CACNA1I: variants seen among roughly 807,000 people sequenced by gnomAD.
CACNA1I encodes the protein calcium voltage-gated channel subunit alpha1 I.
CACNA1I carries 74 observed loss-of-function variants against 201.6 expected under a neutral mutation model. That is an observed-to-expected ratio of 0.37 (90% confidence interval 0.30 to 0.45). The LOEUF (loss-of-function observed/expected upper bound fraction) is 0.45. Ranked by LOEUF, CACNA1I falls within the 20% of genes least tolerant of loss-of-function variation. The pLI, the probability that CACNA1I is intolerant of heterozygous loss-of-function variation, is 1.00. For synonymous variants in CACNA1I, 1,431 were observed against 1,345.2 expected (o/e 1.06, Z -1.40); for missense variants, 2,346 against 3,138.1 (o/e 0.75, Z 6.03).
intron 1 of CACNA1I, among the ~76,000 whole-genome samples, chr22:39,597,308 C>T (rs933081550): frequency 4.6e-5 from 7 of 152,126 alleles, no homozygotes; most frequent in African/African-American, 9.7e-5. Flanking sequence ...TAGACAGTGG[C>T]GGGACTGGAC....
chr22:39,653,731 T>C (rs1245072199), intron 10 of CACNA1I, among the ~76,000 whole-genome samples: 5 of 152,178 alleles, frequency 3.3e-5, no homozygotes, highest in African/African-American at 1.2e-4. Context: ...AATGACAGGT[T>C]AGATTGCAGT....
chr22:39,664,472 C>A (rs1410397500), intron 20 of CACNA1I, among the ~76,000 whole-genome samples: 1 of 152,140 alleles, frequency 6.6e-6, no homozygotes, highest in Admixed American at 6.5e-5. Flanking sequence ...CCAGGGCGGG[C>A]AGTTTTCAAT....
intron 4 of CACNA1I, among the ~76,000 whole-genome samples, chr22:39,632,280 C>T (rs1046474891): frequency 4.6e-5 from 7 of 152,250 alleles, no homozygotes; most frequent in South Asian, 2.1e-4. Flanking sequence ...GTCCTGGCCT[C>T]GGGGCTCGCC....
chr22:39,610,813 G>A (rs956870788), intron 3 of CACNA1I, among the ~76,000 whole-genome samples: 26 of 152,138 alleles, frequency 1.7e-4, no homozygotes, highest in African/African-American at 6.3e-4. Flanking sequence ...CAGGCAGCTC[G>A]GGGCTCAGTG....
intron 3 of CACNA1I, among the ~76,000 whole-genome samples, chr22:39,606,404 C>T (rs1478729131): frequency 1.3e-5 from 2 of 152,238 alleles, no homozygotes; most frequent in Non-Finnish European, 2.9e-5. Context: ...GGCAGCCGCT[C>T]ATTCCATGCA....
intron 1 of CACNA1I, among the ~76,000 whole-genome samples, chr22:39,579,243 A>C (rs1932468483): frequency 6.6e-6 from 1 of 152,150 alleles, no homozygotes; most frequent in Admixed American, 6.5e-5. Context: ...GAGCACTCCT[A>C]AGAGGGTACA....
At position 39,664,288 on chromosome 22, in the gene CACNA1I, C is replaced by T. The variant is rs1334015195; in HGVS notation, c.3666+129C>T. The T allele has an allele frequency of 1.5e-5, 11 of 736,240 alleles. No individual in the cohort carries two copies. The African/African-American group carries it at 1.6e-4, about 11-fold the overall frequency. 45.6% of individuals were successfully genotyped at this position (736,240 alleles called of 1,614,324 possible). A position where few individuals can be genotyped will look rare whatever the true frequency, so the allele number is the denominator to read the frequency against. On this transcript the variant is annotated intron_variant, in intron 20 of 36. Coordinates refer to ENST00000402142, the MANE Select transcript of CACNA1I (RefSeq NM_021096.4). ...TTCACTCGTAGCCCCATGGCCCACCCCTCTGGGTGCCAGCCCCGGGGCTGG... is the reference window on the plus strand; with the variant it reads ...TTCACTCGTAGCCCCATGGCCCACCTCTCTGGGTGCCAGCCCCGGGGCTGG...
chr22:39,657,402 GCT>G (rs1934856703), intron 10 of CACNA1I, among the ~76,000 whole-genome samples: 2 of 152,282 alleles, frequency 1.3e-5, no homozygotes, highest in South Asian at 4.2e-4. Context: ...CACCACGGGT[GCT>G]CTGTGTGCAG....
At chr22:39,605,731 G>A (rs1189848638) in intron 3 of CACNA1I, among the ~76,000 whole-genome samples, 2 of 152,130 alleles carry the variant, frequency 1.3e-5, no homozygotes, top group African/African-American at 2.4e-5. Flanking sequence ...GGGTGTCACT[G>A]TATGTCACAC....
At chr22:39,660,573 G>A (rs947446274) in intron 15 of CACNA1I, 136 bp downstream of exon 15, 51 of 585,036 alleles carry the variant, frequency 8.7e-5, no homozygotes, top group African/African-American at 6.8e-4. Context: ...TGTTGTTTAC[G>A]TTCATAATTG....
chr22:39,593,673 G>T (rs1932848298), intron 1 of CACNA1I, among the ~76,000 whole-genome samples: 1 of 152,152 alleles, frequency 6.6e-6, no homozygotes, highest in Admixed American at 6.5e-5. Flanking sequence ...TCTTGAGCAG[G>T]AGAGAGGCAT....
At chr22:39,579,954 T>C (rs1481609085) in intron 1 of CACNA1I, among the ~76,000 whole-genome samples, 1 of 152,212 alleles carries the variant, frequency 6.6e-6, no homozygotes, top group East Asian at 1.9e-4. Context: ...CAGCCTCTTT[T>C]AAGCTCTTTT....
Position 39,677,488 on chromosome 22 carries a change from G to A in CACNA1I, c.4933+69G>A, listed in dbSNP as rs2146474408. On this transcript the variant is annotated intron_variant, in intron 30 of 36. Transcript: ENST00000402142. This position sits in a 1 kb window ranked among gnomAD's most constrained non-coding sequence, Gnocchi z 4.8. The stretch of plus-strand genomic sequence containing the variant: ...GCTGCAGGAGGAACTGGGGGGGCGG[G>A]GGAGGCCTGAGACCCCTGAGCCCGT... The A allele has an allele frequency of 1.8e-6, 2 of 1,120,034 alleles. No homozygotes were observed. The highest frequency in any genetic ancestry group is 1.5e-5 in the South Asian group (1 of 65,042). 69.4% of individuals were successfully genotyped at this position (1,120,034 alleles called of 1,614,324 possible).
chr22:39,593,737 G>A (rs183575468), intron 1 of CACNA1I, among the ~76,000 whole-genome samples: 94 of 152,288 alleles, frequency 6.2e-4, no homozygotes, highest in African/African-American at 2.2e-3. Flanking sequence ...CAGCTTGGAG[G>A]CAGGAAAAGC....
rs371001259 is a variant in CACNA1I at position 39,682,578 on chromosome 22, C to T, written c.5747C>T (p.Pro1916Leu). The T allele has an allele frequency of 1.4e-5, 22 of 1,613,670 alleles. No individual in the cohort carries two copies. The highest frequency in any genetic ancestry group is 3.3e-5 in the South Asian group (3 of 91,078). Residue 1916 changes from proline to leucine, a missense_variant, in exon 35 of 37, where the codon CCG (proline) becomes CTG (leucine). Pro to Leu is a moderately conservative substitution (Grantham distance 98). Around this residue, in one of 13 missense-constraint regions of CACNA1I, gnomAD observed 441 missense variants for 555.6 expected, o/e 0.79. Coordinates refer to ENST00000402142, the MANE Select transcript of CACNA1I (RefSeq NM_021096.4). ...CCCTTGTCCTCTACGGCCGTCTCGC[C>T]GGATCCAGAGAACTTCCTGTGTGAG... is the stretch of plus-strand genomic sequence containing the variant. ...FFPLSSTAVS[P>L]DPENFLCEME...
rs781268025 is a variant in CACNA1I at position 39,570,819 on chromosome 22, A to G, written c.67A>G (p.Thr23Ala). Residue 23 changes from threonine (T) to alanine (A), a missense_variant, in exon 1 of 37, where the codon ACG becomes GCG. By Grantham distance (58) the Thr-to-Ala change is moderately conservative. Transcript: ENST00000402142. ...CCCAGCCGCTGAGCCAGGAGTCACC[A>G]CGGAGCAGCCCGGACCCCGGAGCCC... ...AAPAAEPGVT[T>A]EQPGPRSPPS... is the part of the protein sequence containing the mutation. The G allele has an allele frequency of 6.2e-7, 1 of 1,613,342 alleles. No individual in the cohort carries two copies. Among genetic ancestry groups the G allele is most frequent in the South Asian group, 1.1e-5 (1 of 91,068 alleles).
chr22:39,577,038 G>A (rs1395080400), intron 1 of CACNA1I, among the ~76,000 whole-genome samples: 1 of 151,704 alleles, frequency 6.6e-6, no homozygotes, highest in African/African-American at 2.4e-5. Flanking sequence ...TGCAACCTTC[G>A]CCTCCCAGTT....
intron 1 of CACNA1I, among the ~76,000 whole-genome samples, chr22:39,577,288 G>A (rs541865676): frequency 2.0e-5 from 3 of 152,264 alleles, no homozygotes; most frequent in East Asian, 3.9e-4. Context: ...TGCGCAGCTC[G>A]GCCTCCCAAA....
Position 39,666,068 on chromosome 22 carries a change from G to T in CACNA1I, c.4104+62G>T. 1 of 1,564,466 alleles carries T rather than the reference G, an allele frequency of 6.4e-7. No individual in the cohort carries two copies. The highest frequency in any genetic ancestry group is 1.2e-5 in the South Asian group (1 of 86,636). On this transcript the variant is annotated intron_variant, in intron 23 of 36. Coordinates refer to ENST00000402142, the MANE Select transcript of CACNA1I (RefSeq NM_021096.4). The surrounding 1 kb of genome is among the most constrained non-coding windows in gnomAD (Gnocchi z 4.1). ...CCTCTCTTGGATGCCAGTGGCTCTG[G>T]GAATCACAGACCTGGCTTGTCTTGC...
Sources: gnomAD v4.1 joint callset for allele counts (sites outside exome capture counted in the v4.1 genomes callset) on GRCh38, gnomAD v4.1.1 for gene constraint, gnomAD v4.1.1 regional missense constraint, Gnocchi (gnomAD v3.1) non-coding constraint, MANE v1.5 for transcripts, NCBI Gene and HGNC (gene_info 2026-07-23, HGNC 2026-07-21) for gene names.